Variants in EPHA6 observed in about 807,000 individuals in gnomAD.
The protein encoded by EPHA6 is ephrin type-A receptor 6.
In EPHA6, 50 loss-of-function variants were observed where a neutral mutation model predicts 112.0. The ratio of observed to expected loss-of-function variants is 0.45; its 90% CI spans 0.36 to 0.56. The LOEUF (loss-of-function observed/expected upper bound fraction) is 0.56, where lower values mean the gene tolerates loss of function less well. Ranked by LOEUF, EPHA6 falls within the 20% of genes least tolerant of loss-of-function variation. The pLI is 0.00. For synonymous variants in EPHA6, 529 were observed against 490.7 expected (o/e 1.08, Z -1.03); for missense variants, 1,280 against 1,417.4 (o/e 0.90, Z 1.56).
intron 14 of EPHA6, among the ~76,000 whole-genome samples, chr3:97,638,537 G>T (rs1560216125): frequency 6.6e-6 from 1 of 152,078 alleles, no homozygotes; most frequent in Non-Finnish European, 1.5e-5. Context: ...AACAATATGG[G>T]TTTCTTTGGA....
intron 11 of EPHA6, among the ~76,000 whole-genome samples, chr3:97,544,483 A>G (rs2092916185): frequency 6.6e-6 from 1 of 152,138 alleles, no homozygotes; most frequent in Non-Finnish European, 1.5e-5. Flanking sequence ...GTGCTGCTGG[A>G]TTCGGTTTGC....
At chr3:97,048,231 A>G (rs1467268607) in intron 3 of EPHA6, among the ~76,000 whole-genome samples, 1 of 152,196 alleles carries the variant, frequency 6.6e-6, no homozygotes, top group African/African-American at 2.4e-5. Context: ...TGAGAGAATT[A>G]TTTTTGACTG....
intron 2 of EPHA6, among the ~76,000 whole-genome samples, chr3:96,953,877 CTT>C (rs201760996): frequency 6.8e-6 from 1 of 146,752 alleles, no homozygotes; most frequent in Admixed American, 6.8e-5. Context: ...ATTTCAATAA[CTT>C]TTTTTTTTTT....
chr3:97,522,969 T>C (rs781511666), intron 10 of EPHA6, among the ~76,000 whole-genome samples: 13 of 152,122 alleles, frequency 8.5e-5, no homozygotes, highest in Non-Finnish European at 1.5e-4. Flanking sequence ...ATTTTCCTTA[T>C]CTTTTCAAAA....
intron 3 of EPHA6, among the ~76,000 whole-genome samples, chr3:97,183,726 T>C (rs894114785): frequency 6.6e-6 from 1 of 152,100 alleles, no homozygotes; most frequent in East Asian, 1.9e-4. Flanking sequence ...CACTCATAGA[T>C]GTTCGTGTTT....
At chr3:96,946,861 A>C (rs1258498401) in intron 2 of EPHA6, among the ~76,000 whole-genome samples, 1 of 152,036 alleles carries the variant, frequency 6.6e-6, no homozygotes, top group African/African-American at 2.4e-5. Flanking sequence ...TTTAATGATC[A>C]CCATTCCAAT....
intron 7 of EPHA6, among the ~76,000 whole-genome samples, chr3:97,458,714 A>G (rs1160277301): frequency 1.3e-5 from 2 of 152,144 alleles, no homozygotes; most frequent in African/African-American, 4.8e-5. Context: ...AATTTGATAT[A>G]GTTTGTGTTA....
At chr3:97,650,875 A>G (rs1339522402) in intron 14 of EPHA6, among the ~76,000 whole-genome samples, 1 of 150,330 alleles carries the variant, frequency 6.7e-6, no homozygotes, top group Admixed American at 6.6e-5. Context: ...AAAAAAAAAA[A>G]GGAGAGGACT....
chr3:97,062,679 G>A (rs2046059345), intron 3 of EPHA6, among the ~76,000 whole-genome samples: 1 of 152,132 alleles, frequency 6.6e-6, no homozygotes, highest in African/African-American at 2.4e-5. Flanking sequence ...AGTCTTATGA[G>A]ATCTGATGGT....
chr3:97,484,149 T>G (rs2091638417), intron 10 of EPHA6, 90 bp downstream of exon 10: 1 of 1,296,848 alleles, frequency 7.7e-7, no homozygotes, highest in Admixed American at 3.5e-5. Flanking sequence ...CTTGGCAGTT[T>G]TGGTCATTGA....
intron 10 of EPHA6, among the ~76,000 whole-genome samples, chr3:97,487,735 A>G (rs1261742110): frequency 6.6e-6 from 1 of 152,004 alleles, no homozygotes; most frequent in Non-Finnish European, 1.5e-5. Context: ...TTGTTCATCA[A>G]TATTGGCCTG....
rs2037585013 is a variant in EPHA6 at position 96,885,731 on chromosome 3, G to T, written c.450+18842G>T. 4.0e-5 allele frequency among the ~76,000 whole-genome samples: 6 copies of T among 150,422 alleles called. No homozygotes were observed. In the South Asian group the frequency reaches 1.3e-3, roughly 32 times the overall value. Reference sequence around the variant, plus strand: ...TTTAATTTCAATTTCATTTAGTTTTGCCCTGATCTTTGTTACGTCCCTTTT... The same window carrying T: ...TTTAATTTCAATTTCATTTAGTTTTTCCCTGATCTTTGTTACGTCCCTTTT... On this transcript the variant is annotated intron_variant, in intron 2 of 17. Coordinates refer to ENST00000389672, the MANE Select transcript of EPHA6 (RefSeq NM_001080448.3).
intron 2 of EPHA6, among the ~76,000 whole-genome samples, chr3:96,953,483 T>G (rs9883956): frequency 0.018 from 2,763 of 152,226 alleles, 70 homozygotes; most frequent in African/African-American, 0.05. Context: ...AATACAAAAC[T>G]CCATGAAGTA....
chr3:97,731,352 C>A (rs542278157), intron 15 of EPHA6, among the ~76,000 whole-genome samples: 3 of 151,938 alleles, frequency 2.0e-5, no homozygotes, highest in African/African-American at 7.2e-5. Context: ...GTGATATATC[C>A]TATAGGTGAT....
At chr3:97,082,738 G>T (rs148550958) in intron 3 of EPHA6, among the ~76,000 whole-genome samples, 658 of 151,938 alleles carry the variant, frequency 4.3e-3, no homozygotes, top group Non-Finnish European at 7.0e-3. Context: ...AAATACCCAC[G>T]AGTATTTAGT....
At chr3:97,120,003 T>TA (rs765226254) in intron 3 of EPHA6, among the ~76,000 whole-genome samples, 1 of 151,984 alleles carries the variant, frequency 6.6e-6, no homozygotes, top group East Asian at 1.9e-4. Flanking sequence ...AAGTCACTGA[T>TA]AAAATCACAT....
At chr3:97,258,991 C>T (rs746119160) in intron 5 of EPHA6, among the ~76,000 whole-genome samples, 13 of 152,148 alleles carry the variant, frequency 8.5e-5, no homozygotes, top group Non-Finnish European at 1.6e-4. Flanking sequence ...TTTTAACTTT[C>T]CATACATACA....
At chr3:97,134,673 G>T (rs762481302) in intron 3 of EPHA6, among the ~76,000 whole-genome samples, 6 of 152,028 alleles carry the variant, frequency 3.9e-5, no homozygotes, top group Non-Finnish European at 8.8e-5. Context: ...TCTCATTAGA[G>T]AAAAAACTAG....
chr3:96,987,214 A>G (rs1173050614), intron 2 of EPHA6, 116 bp from the exon 3 acceptor site: 2 of 877,524 alleles, frequency 2.3e-6, no homozygotes, highest in African/African-American at 1.7e-5. Context: ...GAGTAGCTTC[A>G]TTTGTATCCT....
Sources: allele counts gnomAD v4.1 joint callset (sites outside exome capture counted in the v4.1 genomes callset), GRCh38; gene constraint gnomAD v4.1.1; transcripts MANE v1.5; gene names NCBI Gene and HGNC (gene_info 2026-07-23, HGNC 2026-07-21).